The following CLDN20 variants were observed in gnomAD, a reference collection of about 807,000 sequenced individuals.
CLDN20 encodes the protein claudin 20.
For synonymous variants in CLDN20, 104 were observed against 103.6 expected, an observed-to-expected ratio of 1.00 and a Z score of -0.03; for missense variants, 258 against 267.9, an observed-to-expected ratio of 0.96 and a Z score of 0.26.
intron 1 of CLDN20, among the ~76,000 whole-genome samples, chr6:155,266,163 T>C (rs1025626155): frequency 6.6e-6 from 1 of 152,124 alleles, no homozygotes; most frequent in Non-Finnish European, 1.5e-5. Flanking sequence ...TCCAATCAAG[T>C]TGACACTCAG....
At chr6:155,270,137 C>T (rs929038186) in intron 1 of CLDN20, among the ~76,000 whole-genome samples, 4 of 152,142 alleles carry the variant, frequency 2.6e-5, no homozygotes, top group Non-Finnish European at 4.4e-5. Context: ...AGATCTCAGG[C>T]GGCCAAATGG....
rs750017875 is a variant in CLDN20 at position 155,276,438 on chromosome 6, A to T, written c.*59A>T. ...GGGTGCCAAATGGGACTTTTAGATT[A>T]AAAAAAAATCAGAATTATGCTTAAC... is the stretch of plus-strand genomic sequence containing the variant. On this transcript the variant is annotated 3_prime_UTR_variant, in exon 2 of 2. Transcript: ENST00000367165. 698 of 1,314,596 alleles carry T rather than the reference A, an allele frequency of 5.3e-4. No homozygotes were observed. Among genetic ancestry groups the T allele is most frequent in the Non-Finnish European group, 7.0e-4 (668 of 957,754 alleles). 81.4% of individuals were successfully genotyped at this position (1,314,596 alleles called of 1,614,324 possible).
At chr6:155,271,357 T>A (rs1452375463) in intron 1 of CLDN20, among the ~76,000 whole-genome samples, 2 of 152,210 alleles carry the variant, frequency 1.3e-5, no homozygotes, top group Non-Finnish European at 2.9e-5. Flanking sequence ...TCTTATCTGA[T>A]GTGTCTCATC....
In CLDN20 at chr6:155,275,881, T is replaced by C. The variant is rs201831727; in HGVS notation, c.162T>C (p.Cys54=). The change falls in exon 2 of 2, where the codon TGT becomes TGC. Residue 54 remains cysteine (C), a synonymous_variant. Coordinates refer to ENST00000367165, the MANE Select transcript of CLDN20 (RefSeq NM_001001346.3). ...AGCTGCACGGGCTCTGGATGGACTG[T>C]ACGTGGTACAGCACTGGGATGTTCA... ...IVQLHGLWMD[C]TWYSTGMFSC... is the part of the protein sequence containing the mutation. 2.0e-5 allele frequency: 33 copies of C among 1,614,164 alleles called. No individual in the cohort carries two copies. In the Admixed American group the frequency reaches 2.3e-4, roughly 11 times the overall value.
chr6:155,267,940 GTAATTTGTCCAC>G (rs1335930796), intron 1 of CLDN20, among the ~76,000 whole-genome samples: 5 of 152,192 alleles, frequency 3.3e-5, no homozygotes, highest in Non-Finnish European at 7.3e-5. Flanking sequence ...AGATTTTTCT[GTAATTTGTCCAC>G]TGAAACATCT....
chr6:155,269,324 C>CTT (rs60162262), intron 1 of CLDN20, among the ~76,000 whole-genome samples: 2,492 of 127,178 alleles, frequency 0.02, 136 homozygotes, highest in South Asian at 0.051. Context: ...CTTTTCTTTT[C>CTT]TTTTTTTTTT....
intron 1 of CLDN20, among the ~76,000 whole-genome samples, chr6:155,269,324 C>CTTTTTTTTTTTTTTTTTTTT (rs60162262): frequency 2.4e-5 from 3 of 127,270 alleles, no homozygotes; most frequent in Non-Finnish European, 4.8e-5. Flanking sequence ...CTTTTCTTTT[C>CTTTTTTTTTTTTTTTTTTTT]TTTTTTTTTT....
In CLDN20 at chr6:155,275,968, C is replaced by T; in HGVS notation, c.249C>T (p.Thr83=). 1 of 1,614,190 alleles carries T rather than the reference C, an allele frequency of 6.2e-7. No homozygotes were observed. Among genetic ancestry groups the T allele is most frequent in the Non-Finnish European group, 8.5e-7 (1 of 1,180,038 alleles). Residue 83 remains threonine, a synonymous_variant, in exon 2 of 2, where the codon ACC becomes ACT. Coordinates refer to ENST00000367165, the MANE Select transcript of CLDN20 (RefSeq NM_001001346.3). The part of the protein sequence containing the change: ...LPIHVQAARA[T]MVLACVLSAL... ...TCCACGTGCAGGCTGCGAGAGCCAC[C>T]ATGGTCCTGGCGTGTGTTCTGTCTG...
intron 1 of CLDN20, among the ~76,000 whole-genome samples, chr6:155,271,606 T>C (rs1784919108): frequency 6.6e-6 from 1 of 152,182 alleles, no homozygotes; most frequent in Non-Finnish European, 1.5e-5. Flanking sequence ...TTAACAATTT[T>C]ATGAATTCAG....
chr6:155,273,779 C>A (rs551704137), intron 1 of CLDN20, among the ~76,000 whole-genome samples: 3 of 152,150 alleles, frequency 2.0e-5, no homozygotes, highest in Non-Finnish European at 4.4e-5. Context: ...GACTGTATGA[C>A]ATGGGGTGAT....
rs142691738 is a variant in CLDN20, at chr6:155,276,273, G to A, written c.554G>A (p.Cys185Tyr). 38 of 1,613,932 alleles carry A rather than the reference G, an allele frequency of 2.4e-5. No homozygotes were observed. The highest frequency in any genetic ancestry group is 3.3e-5 in the Admixed American group (2 of 59,984). Residue 185 changes from cysteine (C) to tyrosine (Y), a missense_variant, in exon 2 of 2, where the codon TGT becomes TAT. By Grantham distance (194) the Cys-to-Tyr change is radical. Transcript: ENST00000367165. ...TCTGGCATGATTTTCTGCACCTCCTGTATAAAAAGGAATCCAGAAGCTAGA... is the reference window on the plus strand; with the variant it reads ...TCTGGCATGATTTTCTGCACCTCCTATATAAAAAGGAATCCAGAAGCTAGA... ...FISGMIFCTS[C>Y]IKRNPEARLD...
At chr6:155,269,296 G>C (rs1784812468) in intron 1 of CLDN20, among the ~76,000 whole-genome samples, 1 of 147,290 alleles carries the variant, frequency 6.8e-6, no homozygotes, top group African/African-American at 2.5e-5. Context: ...TTACTTCTCT[G>C]TAGCTTAGTT....
In CLDN20 at chr6:155,275,821, G is replaced by T. The variant is rs1409139252; in HGVS notation, c.102G>T (p.Val34=). Residue 34 remains valine, a synonymous_variant, in exon 2 of 2, where the codon GTG becomes GTT. Transcript: ENST00000367165. ...ATLLPNWKVN[V]DVDSNIITAI... is the part of the protein sequence containing the mutation. ...TGCTGCCCAACTGGAAGGTGAATGT[G>T]GATGTGGACTCCAACATCATAACAG... The T allele has an allele frequency of 1.2e-6, 2 of 1,614,098 alleles. No homozygotes were observed. Among genetic ancestry groups the T allele is most frequent in the Non-Finnish European group, 1.7e-6 (2 of 1,179,984 alleles).
chr6:155,275,609 TCC>T lies in CLDN20; in HGVS notation c.-104-6_-104-5del. ...CGCTCAATCCTGGTTTTGCCTTTTT[TCC>T]TTAGGCTTTGTTATTTGGTTCTCTA... On this transcript the variant is annotated splice_region_variant and splice_polypyrimidine_tract_variant and intron_variant, in intron 1 of 1. Coordinates refer to ENST00000367165, the MANE Select transcript of CLDN20 (RefSeq NM_001001346.3). 1 of 1,157,182 alleles carries T rather than the reference TCC, an allele frequency of 8.6e-7. No homozygotes were observed. The highest frequency in any genetic ancestry group is 2.3e-5 in the Admixed American group (1 of 43,750). The allele number at this position is 1,157,182 out of a possible 1,614,324, so 71.7% of individuals were successfully genotyped here. A position where few individuals can be genotyped will look rare whatever the true frequency, so the allele number is the denominator to read the frequency against.
intron 1 of CLDN20, among the ~76,000 whole-genome samples, chr6:155,273,748 C>T (rs765726324): frequency 2.0e-5 from 3 of 152,084 alleles, no homozygotes; most frequent in Non-Finnish European, 2.9e-5. Context: ...GAGATCTGGA[C>T]GCTGCAGGTT....
Position 155,276,176 on chromosome 6 carries a change from C to T in CLDN20, c.457C>T (p.Pro153Ser), listed in dbSNP as rs200032175. ...AGCAAACTTTCTGGATCTGACAGTT[C>T]CAGAAAGCAACAAACATGAACCTGG... ...IIANFLDLTVPESNKHEPGGA... is the reference protein window; with the variant it reads ...IIANFLDLTVSESNKHEPGGA... Residue 153 changes from proline to serine, a missense_variant, in exon 2 of 2, where the codon CCA (proline) becomes TCA (serine). Pro to Ser is a moderately conservative substitution (Grantham distance 74, BLOSUM62 -1). Coordinates refer to ENST00000367165, the MANE Select transcript of CLDN20 (RefSeq NM_001001346.3). 4 of 1,614,022 alleles carry T rather than the reference C, an allele frequency of 2.5e-6. No homozygotes were observed. The highest frequency in any genetic ancestry group is 3.4e-6 in the Non-Finnish European group (4 of 1,179,976).
chr6:155,265,205 G>A (rs1455684865), intron 1 of CLDN20, among the ~76,000 whole-genome samples: 1 of 152,200 alleles, frequency 6.6e-6, no homozygotes, highest in East Asian at 1.9e-4. Flanking sequence ...GGCCATGGGT[G>A]TGGCAGCACA....
intron 1 of CLDN20, among the ~76,000 whole-genome samples, chr6:155,271,929 C>T (rs1784937937): frequency 6.6e-6 from 1 of 152,198 alleles, no homozygotes; most frequent in South Asian, 2.1e-4. Context: ...CCTTCCCCGC[C>T]TCTCCTTTCT....
At chr6:155,272,821 G>C (rs1784996123) in intron 1 of CLDN20, among the ~76,000 whole-genome samples, 1 of 152,094 alleles carries the variant, frequency 6.6e-6, no homozygotes, top group Non-Finnish European at 1.5e-5. Flanking sequence ...GTCTGTAATT[G>C]ATCACTGCCA....
Sources: allele counts gnomAD v4.1 joint callset (sites outside exome capture counted in the v4.1 genomes callset), GRCh38; gene constraint gnomAD v4.1.1; transcripts MANE v1.5; gene names NCBI Gene and HGNC (gene_info 2026-07-23, HGNC 2026-07-21).